Variants in PTPN14 observed in about 807,000 individuals in gnomAD.
PTPN14 encodes the protein protein tyrosine phosphatase non-receptor type 14.
In PTPN14, 53 loss-of-function variants were observed where a neutral mutation model predicts 126.8. The ratio of observed to expected loss-of-function variants is 0.42; its 90% CI spans 0.34 to 0.53. The LOEUF (loss-of-function observed/expected upper bound fraction) is 0.53. PTPN14 is among the 20% of genes least tolerant of loss of function. PTPN14 has a pLI of 0.08. For missense variants in PTPN14, 1,257 were observed against 1,552.9 expected (o/e 0.81, Z 3.20); for synonymous variants, 630 against 599.3 (o/e 1.05, Z -0.75).
chr1:214,515,432 T>C (rs936689381), intron 1 of PTPN14, among the ~76,000 whole-genome samples: 1 of 152,098 alleles, frequency 6.6e-6, no homozygotes, highest in African/African-American at 2.4e-5. Flanking sequence ...CAAGACTGTT[T>C]GACTACTAAG....
Position 214,524,165 on chromosome 1 carries a change from T to C in PTPN14, c.-155+27018A>G, listed in dbSNP as rs147046657. 4.6e-4 allele frequency among the ~76,000 whole-genome samples: 70 copies of C among 152,084 alleles called. 1 individual carries two copies. The highest frequency in any genetic ancestry group is 1.6e-3 in the African/African-American group (66 of 41,534). On this transcript the variant is annotated intron_variant, in intron 1 of 18. Coordinates refer to ENST00000366956, the MANE Select transcript of PTPN14 (RefSeq NM_005401.5). ...ACGTCTGGCTGACTAGATTCTATAG[T>C]ATGCTACATAAGAGGCAAGAAGGCT...
chr1:214,511,643 C>T (rs1478800182), intron 1 of PTPN14, among the ~76,000 whole-genome samples: 1 of 152,160 alleles, frequency 6.6e-6, no homozygotes, highest in Non-Finnish European at 1.5e-5. Context: ...ACAGAATTCC[C>T]TTAGGATCTA....
At chr1:214,527,680 A>G (rs1009207732) in intron 1 of PTPN14, among the ~76,000 whole-genome samples, 17 of 152,190 alleles carry the variant, frequency 1.1e-4, no homozygotes, top group Non-Finnish European at 2.2e-4. Context: ...TAAAACATGG[A>G]CTGGATCTCA....
intron 2 of PTPN14, among the ~76,000 whole-genome samples, chr1:214,459,766 C>T (rs1474593474): frequency 1.3e-5 from 2 of 151,748 alleles, no homozygotes; most frequent in African/African-American, 2.4e-5. Flanking sequence ...CACGCCTGGC[C>T]GATCCCCACT....
intron 1 of PTPN14, among the ~76,000 whole-genome samples, chr1:214,549,180 C>G (rs1319611082): frequency 1.3e-5 from 2 of 152,126 alleles, no homozygotes; most frequent in African/African-American, 4.8e-5. Flanking sequence ...GCCACCTCAG[C>G]CAGGACTCAG....
At chr1:214,393,824 G>T (rs752467814) in intron 9 of PTPN14, 47 bp from the exon 10 acceptor site, 2 of 1,418,510 alleles carry the variant, frequency 1.4e-6, no homozygotes. Flanking sequence ...TGTTGAATTA[G>T]TTATACATTT....
intron 1 of PTPN14, among the ~76,000 whole-genome samples, chr1:214,511,212 G>A (rs982984460): frequency 2.6e-5 from 4 of 152,150 alleles, no homozygotes; most frequent in Admixed American, 6.6e-5. Flanking sequence ...AAGTTAGGCT[G>A]AATGGATAAC....
At chr1:214,417,472 G>T (rs1316902016) in intron 3 of PTPN14, among the ~76,000 whole-genome samples, 11 of 152,068 alleles carry the variant, frequency 7.2e-5, no homozygotes, top group Admixed American at 6.5e-4. Flanking sequence ...TCCCATAGGA[G>T]TTTGAAAAAT....
intron 1 of PTPN14, among the ~76,000 whole-genome samples, chr1:214,500,128 T>C (rs1001264785): frequency 6.6e-6 from 1 of 152,038 alleles, no homozygotes; most frequent in Non-Finnish European, 1.5e-5. Flanking sequence ...TATTTTATTC[T>C]AATGTATCAA....
chr1:214,383,764 G>T lies in PTPN14; in HGVS notation c.2091C>A (p.Thr697=). Residue 697 remains threonine, a synonymous_variant, in exon 13 of 19, where the codon ACC becomes ACA. Coordinates refer to ENST00000366956, the MANE Select transcript of PTPN14 (RefSeq NM_005401.5). This position sits in a 1 kb window ranked among gnomAD's most constrained non-coding sequence, Gnocchi z 4.4. Reference sequence around the variant, plus strand: ...GGATTAGCATAGTGGCATCAGAGAAGGTCTTCTTGTGGTGATACTGAGGGA... The same window carrying T: ...GGATTAGCATAGTGGCATCAGAGAATGTCTTCTTGTGGTGATACTGAGGGA... ...PQLPQYHHKK[T]FSDATMLIHS... is the part of the protein sequence containing the mutation. The T allele has an allele frequency of 1.2e-6, 2 of 1,613,336 alleles. No homozygotes were observed. Among genetic ancestry groups the T allele is most frequent in the Non-Finnish European group, 1.7e-6 (2 of 1,180,026 alleles).
At chr1:214,434,339 A>C (rs913490533) in intron 3 of PTPN14, among the ~76,000 whole-genome samples, 10 of 152,100 alleles carry the variant, frequency 6.6e-5, no homozygotes, top group African/African-American at 1.9e-4. Context: ...CTCCATGTCT[A>C]ACGTTGTCTA....
intron 18 of PTPN14, among the ~76,000 whole-genome samples, chr1:214,360,639 G>T (rs1029377964): frequency 6.6e-6 from 1 of 152,236 alleles, no homozygotes; most frequent in Non-Finnish European, 1.5e-5. Flanking sequence ...AAAGGTTTTA[G>T]CCAGGAGGCA....
intron 2 of PTPN14, among the ~76,000 whole-genome samples, chr1:214,463,514 T>C (rs954960411): frequency 1.3e-5 from 2 of 152,084 alleles, no homozygotes; most frequent in African/African-American, 2.4e-5. Flanking sequence ...GACAGATGCA[T>C]TTCAGGTGAA....
At chr1:214,452,102 T>C in intron 2 of PTPN14, 128 bp from the exon 3 acceptor site, 1 of 1,015,178 alleles carries the variant, frequency 9.9e-7, no homozygotes, top group Non-Finnish European at 1.4e-6. Context: ...GATCCAGCTT[T>C]GACATATAAC....
At chr1:214,496,621 T>G (rs1411151468) in intron 1 of PTPN14, among the ~76,000 whole-genome samples, 1 of 152,202 alleles carries the variant, frequency 6.6e-6, no homozygotes. Context: ...ATATTCTTTT[T>G]AAACACTCCT....
intron 1 of PTPN14, among the ~76,000 whole-genome samples, chr1:214,491,886 C>T (rs867239228): frequency 2.0e-5 from 3 of 152,150 alleles, no homozygotes; most frequent in African/African-American, 4.8e-5. Context: ...TATCCTCCCC[C>T]TCAAAAGCAG....
intron 1 of PTPN14, among the ~76,000 whole-genome samples, chr1:214,477,365 G>A (rs184294830): frequency 7.3e-4 from 111 of 152,250 alleles, no homozygotes; most frequent in Non-Finnish European, 1.2e-3. Flanking sequence ...ACACATGCAC[G>A]TACATGCACC....
At chr1:214,486,056 G>A (rs1188263119) in intron 1 of PTPN14, among the ~76,000 whole-genome samples, 1 of 152,092 alleles carries the variant, frequency 6.6e-6, no homozygotes, top group African/African-American at 2.4e-5. Flanking sequence ...GTGAGTCCTT[G>A]TTCACAGATA....
intron 6 of PTPN14, 47 bp from the exon 7 acceptor site, chr1:214,401,819 G>C: frequency 6.9e-7 from 1 of 1,456,042 alleles, no homozygotes; most frequent in Non-Finnish European, 9.6e-7. Flanking sequence ...AGGGCAGCCA[G>C]TGGAAGATCC....
Sources: allele counts gnomAD v4.1 joint callset (sites outside exome capture counted in the v4.1 genomes callset), GRCh38; gene constraint gnomAD v4.1.1; non-coding constraint Gnocchi (gnomAD v3.1); transcripts MANE v1.5; gene names NCBI Gene and HGNC (gene_info 2026-07-23, HGNC 2026-07-21).